Variants in KCP observed in about 807,000 individuals in gnomAD.
KCP encodes kielin/chordin-like protein.
In KCP, 194 loss-of-function variants were observed where a neutral mutation model predicts 212.7. The observed-to-expected ratio is 0.91, with a 90% CI of 0.81 to 1.03. The LOEUF (loss-of-function observed/expected upper bound fraction) is 1.03. KCP is among the 50% of genes least tolerant of loss of function. The pLI, the probability that KCP is intolerant of heterozygous loss-of-function variation, is 0.00. For missense variants in KCP, 2,080 were observed against 2,162.5 expected (o/e 0.96, Z 0.76); for synonymous variants, 833 against 865.3 (o/e 0.96, Z 0.65).
At chr7:128,887,809 A>G (rs1453777224) in intron 22 of KCP, among the ~76,000 whole-genome samples, 2 of 143,780 alleles carry the variant, frequency 1.4e-5, no homozygotes, top group African/African-American at 2.8e-5. Flanking sequence ...ACACATACCC[A>G]TATACACAGC....
At chr7:128,907,241 T>G (rs2128950807) in intron 3 of KCP, 23 bp downstream of exon 3, 1 of 1,536,830 alleles carries the variant, frequency 6.5e-7, no homozygotes. Context: ...GTGGCCCCAG[T>G]GGGCGGATAG....
chr7:128,885,178 C>T lies in KCP; in HGVS notation c.2959G>A (p.Val987Ile), dbSNP rs530719136. Residue 987 changes from valine (V) to isoleucine (I), a missense_variant, in exon 27 of 40, where the codon GTC (valine) becomes ATC (isoleucine). By Grantham distance (29) the Val-to-Ile change is conservative. Coordinates refer to ENST00000610776, the MANE Select transcript of KCP (RefSeq NM_001366122.1). ...CSSCVCHEGV[V>I]TCARIQCISS... ...ATGCACTGGATGCGTGCACAGGTGA[C>T]GACGCCCTCGTGACACACACAGGAG... 6.7e-5 allele frequency: 104 copies of T among 1,550,854 alleles called. 2 individuals carry two copies. In the South Asian group the frequency reaches 9.0e-4, roughly 13 times the overall value.
At position 128,877,765 on chromosome 7, in the gene KCP, C is replaced by T. The variant is rs1364195057; in HGVS notation, c.4337G>A (p.Arg1446Gln). The T allele has an allele frequency of 7.7e-6, 12 of 1,549,662 alleles. No individual in the cohort carries two copies. The highest frequency in any genetic ancestry group is 5.9e-5 in the Admixed American group (3 of 50,964). The change falls in exon 39 of 40, where the codon CGG (arginine) becomes CAG (glutamine). Residue 1446 changes from arginine (R) to glutamine (Q), a missense_variant. Coordinates refer to ENST00000610776, the MANE Select transcript of KCP (RefSeq NM_001366122.1). ...CACCTCTCGGCCTGCAGAACAGGGCCGGCCAGGCCACAGCCCCTCTGAGAC... is the reference window on the plus strand; with the variant it reads ...CACCTCTCGGCCTGCAGAACAGGGCTGGCCAGGCCACAGCCCCTCTGAGAC... ...WQVSEGLWPG[R>Q]PCSAGREVDP...
chr7:128,906,862 A>C (rs539918522), intron 4 of KCP, among the ~76,000 whole-genome samples: 3 of 152,106 alleles, frequency 2.0e-5, no homozygotes, highest in Non-Finnish European at 2.9e-5. Flanking sequence ...AACCTAATAC[A>C]TTCTCTGCCC....
chr7:128,877,741 A>C lies in KCP; in HGVS notation c.4361T>G (p.Val1454Gly), dbSNP rs1429009426. Residue 1454 changes from valine to glycine, a missense_variant, in exon 39 of 40, where the codon GTG becomes GGG. Physicochemically the swap from Val to Gly is moderately radical, Grantham distance 109. Transcript: ENST00000610776. The stretch of plus-strand genomic sequence containing the variant: ...GTAACCTGCTGCCCGGCACGGATCC[A>C]CCTCTCGGCCTGCAGAACAGGGCCG... ...PGRPCSAGRE[V>G]DPCRAAGYRA... 1 of 1,550,480 alleles carries C rather than the reference A, an allele frequency of 6.4e-7. No homozygotes were observed. The highest frequency in any genetic ancestry group is 1.4e-5 in the African/African-American group (1 of 73,006).
At chr7:128,903,857 G>T (rs746527406) in intron 6 of KCP, 37 bp from the exon 7 acceptor site, 2 of 538,402 alleles carry the variant, frequency 3.7e-6, no homozygotes, top group Non-Finnish European at 6.8e-6. Flanking sequence ...TTCAGGTCTG[G>T]CTCCCGCAGA....
At chr7:128,888,502 G>T (rs530792684) in intron 22 of KCP, among the ~76,000 whole-genome samples, 39 of 107,504 alleles carry the variant, frequency 3.6e-4, no homozygotes, top group African/African-American at 1.4e-3. Flanking sequence ...ACCCACACAG[G>T]CCAACACACA....
chr7:128,880,576 A>T (rs1344980811), intron 33 of KCP, 43 bp downstream of exon 33: 2 of 1,363,496 alleles, frequency 1.5e-6, no homozygotes, highest in Non-Finnish European at 9.5e-7. Flanking sequence ...CCACATGCCC[A>T]GAAGGTCTGG....
intron 30 of KCP, 48 bp from the exon 31 acceptor site, chr7:128,881,773 T>G: frequency 6.8e-7 from 1 of 1,470,826 alleles, no homozygotes; most frequent in African/African-American, 1.4e-5. Context: ...CTCAGGGAGC[T>G]GGTGGAGGAG....
chr7:128,905,483 A>T (rs534956461), intron 5 of KCP, among the ~76,000 whole-genome samples: 1 of 152,094 alleles, frequency 6.6e-6, no homozygotes, highest in African/African-American at 2.4e-5. Flanking sequence ...CCACTATTCC[A>T]GGGGACCCAG....
chr7:128,904,348 A>G (rs1433397811), intron 5 of KCP: 1 of 1,551,772 alleles, frequency 6.4e-7, no homozygotes, highest in African/African-American at 1.4e-5. Flanking sequence ...TGAGCTCTGA[A>G]CACGAGGGCC....
In KCP at chr7:128,884,202, C is replaced by T. The variant is rs1045904274; in HGVS notation, c.3124-80G>A. The T allele has an allele frequency of 3.4e-6, 5 of 1,468,530 alleles. No homozygotes were observed. The South Asian group carries it at 5.2e-5, about 15-fold the overall frequency. The allele number at this position is 1,468,530 out of a possible 1,614,324, so 91.0% of individuals were successfully genotyped here. A position where few individuals can be genotyped will look rare whatever the true frequency, so the allele number is the denominator to read the frequency against. ...CCTTGGCCGGGACTTCCGGCCCCTC[C>T]CTCTGCCTGCTGCAGCCTCTTCCGG... On this transcript the variant is annotated intron_variant, in intron 28 of 39. Transcript: ENST00000610776.
At chr7:128,877,965 A>G (rs375542114) in intron 38 of KCP, among the ~76,000 whole-genome samples, 175 bp from the exon 39 acceptor site, 16 of 152,358 alleles carry the variant, frequency 1.1e-4, no homozygotes, top group African/African-American at 3.8e-4. Flanking sequence ...ACAGAAGGAC[A>G]GACCAAGGCC....
intron 8 of KCP, among the ~76,000 whole-genome samples, chr7:128,899,815 G>A (rs190055386): frequency 1.1e-4 from 15 of 130,616 alleles, no homozygotes; most frequent in African/African-American, 6.2e-4. Context: ...CCAAGGCTTC[G>A]ACTGGAATGG....
chr7:128,879,669 G>A (rs929846048), intron 36 of KCP, 46 bp from the exon 37 acceptor site: 45 of 1,546,868 alleles, frequency 2.9e-5, no homozygotes, highest in Non-Finnish European at 3.9e-5. Flanking sequence ...CGAGGCACAT[G>A]GGTGGACAGC....
chr7:128,888,036 CA>C (rs1793802726), intron 22 of KCP, among the ~76,000 whole-genome samples: 1 of 133,254 alleles, frequency 7.5e-6, no homozygotes, highest in African/African-American at 2.6e-5. Flanking sequence ...CACACACATA[CA>C]CACACACACA....
At position 128,908,678 on chromosome 7, in the gene KCP, CTGCCCTCTCCAAT is replaced by C. The variant is rs1352992565; in HGVS notation, c.77-123_77-111del. On this transcript the variant is annotated intron_variant, in intron 1 of 39. Transcript: ENST00000610776. Reference sequence around the variant, plus strand: ...GGGGAAGGGGGTCATCCTGTGCACCCTGCCCTCTCCAATTGCCCACCCACCATCCAGGGCCGGG... The same window carrying C: ...GGGGAAGGGGGTCATCCTGTGCACCCTGCCCACCCACCATCCAGGGCCGGG... 11 of 1,206,360 alleles carry C rather than the reference CTGCCCTCTCCAAT, an allele frequency of 9.1e-6. No homozygotes were observed. In the Admixed American group the frequency reaches 2.7e-4, roughly 29 times the overall value. 74.7% of individuals were successfully genotyped at this position (1,206,360 alleles called of 1,614,324 possible). A position where few individuals can be genotyped will look rare whatever the true frequency, so the allele number is the denominator to read the frequency against.
At chr7:128,882,271 C>T (rs1253920342) in intron 29 of KCP, among the ~76,000 whole-genome samples, 1 of 152,176 alleles carries the variant, frequency 6.6e-6, no homozygotes, top group African/African-American at 2.4e-5. Context: ...ACAGACCAAC[C>T]ATGGCTTCCT....
At chr7:128,901,005 G>A (rs1794812257) in intron 8 of KCP, among the ~76,000 whole-genome samples, 1 of 152,206 alleles carries the variant, frequency 6.6e-6, no homozygotes, top group African/African-American at 2.4e-5. Context: ...GATGAGATAG[G>A]AGGTCAGCAC....
Sources: allele counts gnomAD v4.1 joint callset (sites outside exome capture counted in the v4.1 genomes callset), GRCh38; gene constraint gnomAD v4.1.1; transcripts MANE v1.5; gene names NCBI Gene and HGNC (gene_info 2026-07-23, HGNC 2026-07-21).